INPPL1: variants seen among roughly 807,000 people sequenced by gnomAD.
INPPL1 encodes phosphatidylinositol 3,4,5-trisphosphate 5-phosphatase 2.
In INPPL1, 91 loss-of-function variants were observed where a neutral mutation model predicts 139.3. That is an observed-to-expected ratio of 0.65 (90% CI 0.55 to 0.78). The LOEUF is 0.78. Ranked by LOEUF, INPPL1 falls within the 30% of genes least tolerant of loss-of-function variation. The pLI, the probability that INPPL1 is intolerant of heterozygous loss-of-function variation, is 0.00. For synonymous variants in INPPL1, 719 were observed against 686.6 expected (o/e 1.05, Z -0.74); for missense variants, 1,411 against 1,665.6 (o/e 0.85, Z 2.66).
chr11:72,231,691 ATTGCCCCATTT>A, intron 13 of INPPL1, 76 bp downstream of exon 13: 2 of 1,062,256 alleles, frequency 1.9e-6, no homozygotes, highest in East Asian at 4.7e-5. Context: ...CAAGCCTAGG[ATTGCCCCATTT>A]TTGGTGATCT....
At position 72,230,463 on chromosome 11, in the gene INPPL1, G is replaced by T; in HGVS notation, c.1192G>T (p.Ala398Ser). 1.9e-6 allele frequency: 3 copies of T among 1,613,612 alleles called. No individual in the cohort carries two copies. The highest frequency in any genetic ancestry group is 2.5e-6 in the Non-Finnish European group (3 of 1,179,964). ...TQRKDFIFVS[A>S]RKREAFCQLL... is the part of the protein sequence containing the mutation. Reference sequence around the variant, plus strand: ...GCGCAAGGACTTCATCTTTGTCAGTGCCCGGGTGAGCAGCAGGCTGGGCCA... The same window carrying T: ...GCGCAAGGACTTCATCTTTGTCAGTTCCCGGGTGAGCAGCAGGCTGGGCCA... The change falls in exon 10 of 28, where the codon GCC (alanine) becomes TCC (serine). Residue 398 changes from alanine to serine, a missense_variant. This residue lies in a region of INPPL1 where 504 missense variants were observed against 595.6 expected (regional missense o/e 0.85). Transcript: ENST00000298229.
At position 72,224,930 on chromosome 11, in the gene INPPL1, C is replaced by CGGGGCGGATGGCGCGGGGCGGCG. The variant is rs1948624594; in HGVS notation, c.-47_-25dup. ...GCCCCAGCCTCAGCCCTGAGCGTCT[C>CGGGGCGGATGGCGCGGGGCGGCG]GGGGCGGATGGCGCGGGGCGGCGGG... On this transcript the variant is annotated 5_prime_UTR_variant, in exon 1 of 28. In the 5' UTR this introduces an upstream ATG that the reference lacks. Coordinates refer to ENST00000298229, the MANE Select transcript of INPPL1 (RefSeq NM_001567.4). 5 of 1,032,666 alleles carry CGGGGCGGATGGCGCGGGGCGGCG rather than the reference C, an allele frequency of 4.8e-6. No individual in the cohort carries two copies. In the Admixed American group the frequency reaches 2.8e-4, roughly 57 times the overall value. 64.0% of individuals were successfully genotyped at this position (1,032,666 alleles called of 1,614,324 possible).
At position 72,230,806 on chromosome 11, in the gene INPPL1, C is replaced by T. The variant is rs1948811487; in HGVS notation, c.1208C>T (p.Ala403Val). The T allele has an allele frequency of 1.9e-6, 3 of 1,613,752 alleles. No individual in the cohort carries two copies. The highest frequency in any genetic ancestry group is 1.3e-5 in the African/African-American group (1 of 74,914). Residue 403 changes from alanine to valine, a missense_variant, in exon 11 of 28, where the codon GCC (alanine) becomes GTC (valine). Ala to Val is a moderately conservative substitution (Grantham distance 64). Coordinates refer to ENST00000298229, the MANE Select transcript of INPPL1 (RefSeq NM_001567.4). ...CTGCTGTTCCCCCAGAAGCGGGAGG[C>T]CTTCTGCCAGCTGTTGCAGCTCATG... The part of the protein sequence containing the change: ...FIFVSARKRE[A>V]FCQLLQLMKN...
In INPPL1 at chr11:72,238,064, G is replaced by A. The variant is rs765003632; in HGVS notation, c.3575G>A (p.Arg1192Gln). The change falls in exon 27 of 28, where the codon CGG (arginine) becomes CAG (glutamine). Residue 1192 changes from arginine (R) to glutamine (Q), a missense_variant. By Grantham distance (43) the Arg-to-Gln change is conservative. Transcript: ENST00000298229. The part of the protein sequence containing the change: ...AEEAPCLQGG[R>Q]ASGLGEAGMS... Reference sequence around the variant, plus strand: ...TAGGCTCCGTGCCTGCAGGGCGGGCGGGCCAGCGGGCTGGGCGAGGCAGGC... The same window carrying A: ...TAGGCTCCGTGCCTGCAGGGCGGGCAGGCCAGCGGGCTGGGCGAGGCAGGC... The A allele has an allele frequency of 7.0e-6, 11 of 1,564,030 alleles. No individual in the cohort carries two copies. The highest frequency in any genetic ancestry group is 6.9e-6 in the Non-Finnish European group (8 of 1,155,716).
Position 72,235,449 on chromosome 11 carries a change from A to G in INPPL1, c.2657A>G (p.Tyr886Cys). 6.2e-7 allele frequency: 1 copy of G among 1,611,740 alleles called. No homozygotes were observed. The highest frequency in any genetic ancestry group is 8.5e-7 in the Non-Finnish European group (1 of 1,179,726). The change falls in exon 23 of 28, where the codon TAC becomes TGC. Residue 886 changes from tyrosine (Y) to cysteine (C), a missense_variant and splice_region_variant. Coordinates refer to ENST00000298229, the MANE Select transcript of INPPL1 (RefSeq NM_001567.4). The surrounding 1 kb of genome is among the most constrained non-coding windows in gnomAD (Gnocchi z 4.9). ...TERLGTRERL[Y>C]EWISIDKDEA... ...CGCCTGGGCACCCGTGAGCGGCTCT[A>G]CGGTGGGGACTCCACTGGGACATGA...
In INPPL1 at chr11:72,235,209, G is replaced by A. The variant is rs1364181745; in HGVS notation, c.2503+6G>A. Reference sequence around the variant, plus strand: ...GGATGGCTATGAATCCTATGGTGAGGGGTGAGGGGTGCTGAGGGGAACAGG... The same window carrying A: ...GGATGGCTATGAATCCTATGGTGAGAGGTGAGGGGTGCTGAGGGGAACAGG... On this transcript the variant is annotated splice_donor_region_variant and intron_variant, in intron 22 of 27. Transcript: ENST00000298229. The surrounding 1 kb of genome is among the most constrained non-coding windows in gnomAD (Gnocchi z 4.9). The A allele has an allele frequency of 3.1e-6, 5 of 1,613,982 alleles. No individual in the cohort carries two copies. Among genetic ancestry groups the A allele is most frequent in the South Asian group, 1.1e-5 (1 of 91,078 alleles).
chr11:72,238,332 C>A lies in INPPL1; in HGVS notation c.3756C>A (p.Asp1252Glu), dbSNP rs746004112. ...CGGCTCACAAGCGCCTCCTTCTGGA[C>A]ACCCTGCAGCTCAGCAAGTGATAGC... is the stretch of plus-strand genomic sequence containing the variant. The part of the protein sequence containing the change: ...QDPAHKRLLL[D>E]TLQLSK The change falls in exon 28 of 28, where the codon GAC becomes GAA. Residue 1252 changes from aspartate to glutamate, a missense_variant. This residue lies in a region of INPPL1 where 438 missense variants were observed against 425.7 expected (regional missense o/e 1.03). Transcript: ENST00000298229. 1.3e-6 allele frequency: 2 copies of A among 1,571,918 alleles called. No homozygotes were observed. Among genetic ancestry groups the A allele is most frequent in the Non-Finnish European group, 8.6e-7 (1 of 1,160,728 alleles).
At chr11:72,223,660 GCGGTACGAGCTCGGCCCCCAGAGC>G (rs1250037839), upstream of INPPL1, 1 of 152,048 alleles carries the variant, frequency 6.6e-6, no homozygotes, top group Admixed American at 6.5e-5. Context: ...GGTGCCGAGC[GCGGTACGAGCTCGGCCCCCAGAGC>G]CGGCCCTCGC....
chr11:72,228,393 C>G lies in INPPL1; in HGVS notation c.292C>G (p.Leu98Val). ...GCGCCGCTTCCAGACCCTGGGTGAG[C>G]TCATCGGCCTGTACGCCCAGCCCAA... ...PVRRFQTLGE[L>V]IGLYAQPNQG... Residue 98 changes from leucine (L) to valine (V), a missense_variant, in exon 3 of 28, where the codon CTC becomes GTC. Physicochemically the swap from Leu to Val is conservative, Grantham distance 32. This residue lies in a region of INPPL1 where 504 missense variants were observed against 595.6 expected (regional missense o/e 0.85). Transcript: ENST00000298229. The surrounding 1 kb of genome is among the most constrained non-coding windows in gnomAD (Gnocchi z 5.0). 6.2e-7 allele frequency: 1 copy of G among 1,613,290 alleles called. No homozygotes were observed. The highest frequency in any genetic ancestry group is 8.5e-7 in the Non-Finnish European group (1 of 1,179,986).
Position 72,235,462 on chromosome 11 carries a change from C to G in INPPL1, c.2659+11C>G. On this transcript the variant is annotated intron_variant, in intron 23 of 27. Transcript: ENST00000298229. This position sits in a 1 kb window ranked among gnomAD's most constrained non-coding sequence, Gnocchi z 4.9. ...GTGAGCGGCTCTACGGTGGGGACTCCACTGGGACATGAGATAGGGTGGTGT... is the reference window on the plus strand; with the variant it reads ...GTGAGCGGCTCTACGGTGGGGACTCGACTGGGACATGAGATAGGGTGGTGT... 2 of 1,609,968 alleles carry G rather than the reference C, an allele frequency of 1.2e-6. No individual in the cohort carries two copies.
In INPPL1 at chr11:72,237,516, C is replaced by T; in HGVS notation, c.3272C>T (p.Pro1091Leu). 2 of 1,608,616 alleles carry T rather than the reference C, an allele frequency of 1.2e-6. No homozygotes were observed. Among genetic ancestry groups the T allele is most frequent in the Non-Finnish European group, 1.7e-6 (2 of 1,176,680 alleles). Reference protein sequence around the residue: ...GGAEARGPPPPKAHPRPPLPP... With the variant: ...GGAEARGPPPLKAHPRPPLPP... ...GCTGAGGCCCGTGGCCCACCACCTC[C>T]CAAGGCCCATCCAAGGCCTCCACTG... The change falls in exon 26 of 28, where the codon CCC (proline) becomes CTC (leucine). Residue 1091 changes from proline (P) to leucine (L), a missense_variant. Transcript: ENST00000298229.
At position 72,235,868 on chromosome 11, in the gene INPPL1, T is replaced by C. The variant is rs70940819; in HGVS notation, c.2761T>C (p.Phe921Leu). 80 of 1,613,090 alleles carry C rather than the reference T, an allele frequency of 5.0e-5. No homozygotes were observed. The East Asian group carries it at 1.6e-3, about 32-fold the overall frequency. Reference sequence around the variant, plus strand: ...CAGGTCAGGGAGCCGCAAGCCAGCCTTCACAGAGGCCTCCTGCCCGCTCTC... The same window carrying C: ...CAGGTCAGGGAGCCGCAAGCCAGCCCTCACAGAGGCCTCCTGCCCGCTCTC... ...EPRSGSRKPA[F>L]TEASCPLSRL... Residue 921 changes from phenylalanine (F) to leucine (L), a missense_variant, in exon 25 of 28, where the codon TTC (phenylalanine) becomes CTC (leucine). By Grantham distance (22) the Phe-to-Leu change is conservative. Coordinates refer to ENST00000298229, the MANE Select transcript of INPPL1 (RefSeq NM_001567.4). The surrounding 1 kb of genome is among the most constrained non-coding windows in gnomAD (Gnocchi z 4.9).
chr11:72,238,252 T>A lies in INPPL1; in HGVS notation c.3687-11T>A. ...TGCCCATCTCACTTCCCAGCCTGTT[T>A]TACTCCACAGTGACATCACCGAGGA... is the stretch of plus-strand genomic sequence containing the variant. On this transcript the variant is annotated splice_polypyrimidine_tract_variant and intron_variant, in intron 27 of 27. Coordinates refer to ENST00000298229, the MANE Select transcript of INPPL1 (RefSeq NM_001567.4). The A allele has an allele frequency of 6.2e-7, 1 of 1,613,610 alleles. No individual in the cohort carries two copies. The highest frequency in any genetic ancestry group is 8.5e-7 in the Non-Finnish European group (1 of 1,179,690).
In INPPL1 at chr11:72,233,078, A is replaced by G. The variant is rs759203012; in HGVS notation, c.1955A>G (p.Glu652Gly). ...EKHKVFLRFS[E>G]EEISFPPTYR... ...ACCTGTCTCCTGCTTTCCTTAGGTG[A>G]GGAGGAGATCTCCTTCCCACCCACC... The change falls in exon 17 of 28, where the codon GAG becomes GGG. Residue 652 changes from glutamate (E) to glycine (G), a missense_variant. By Grantham distance (98) the Glu-to-Gly change is moderately conservative. Around this residue, in one of 5 missense-constraint regions of INPPL1, gnomAD observed 363 missense variants for 446.2 expected, o/e 0.81. Transcript: ENST00000298229. 6.2e-7 allele frequency: 1 copy of G among 1,613,868 alleles called. No individual in the cohort carries two copies. The highest frequency in any genetic ancestry group is 8.5e-7 in the Non-Finnish European group (1 of 1,179,832).
intron 15 of INPPL1, 33 bp downstream of exon 15, chr11:72,232,797 G>A (rs767735045): frequency 6.2e-7 from 1 of 1,613,922 alleles, no homozygotes; most frequent in Non-Finnish European, 8.5e-7. Flanking sequence ...GCTGTAGGGA[G>A]GCTAAGGGCC....
Position 72,228,289 on chromosome 11 carries a change from C to G in INPPL1, c.246+36C>G. ...GGGCCCCTGACCCCTGACCTTGATC[C>G]AGCCTAGGGCTTGGGGACCTGCTGG... On this transcript the variant is annotated intron_variant, in intron 2 of 27. Transcript: ENST00000298229. The surrounding 1 kb of genome is among the most constrained non-coding windows in gnomAD (Gnocchi z 5.0). The G allele has an allele frequency of 6.2e-7, 1 of 1,614,058 alleles. No homozygotes were observed. Among genetic ancestry groups the G allele is most frequent in the South Asian group, 1.1e-5 (1 of 91,080 alleles).
chr11:72,229,862 G>A, intron 7 of INPPL1, 62 bp from the exon 8 acceptor site: 6 of 1,570,654 alleles, frequency 3.8e-6, no homozygotes, highest in Non-Finnish European at 5.2e-6. Flanking sequence ...GGTCAATTGT[G>A]TCCCTCCCTG....
intron 7 of INPPL1, 77 bp downstream of exon 7, chr11:72,229,829 C>A: frequency 6.4e-7 from 1 of 1,561,366 alleles, no homozygotes; most frequent in Non-Finnish European, 8.8e-7. Context: ...AACCCTCAGT[C>A]TACAACTTAA....
chr11:72,235,734 C>G lies in INPPL1; in HGVS notation c.2719C>G (p.Arg907Gly). 6.2e-7 allele frequency: 1 copy of G among 1,614,004 alleles called. No individual in the cohort carries two copies. The highest frequency in any genetic ancestry group is 8.5e-7 in the Non-Finnish European group (1 of 1,179,952). Residue 907 changes from arginine to glycine, a missense_variant, in exon 24 of 28, where the codon CGA becomes GGA. Physicochemically the swap from Arg to Gly is moderately radical, Grantham distance 125. Transcript: ENST00000298229. This position sits in a 1 kb window ranked among gnomAD's most constrained non-coding sequence, Gnocchi z 4.9. ...AAAGAGCAAAGCCCCCTCTGTGTCCCGAGGGAGCCAGGAGCCCAGGTGAGC... is the reference window on the plus strand; with the variant it reads ...AAAGAGCAAAGCCCCCTCTGTGTCCGGAGGGAGCCAGGAGCCCAGGTGAGC... ...GAKSKAPSVS[R>G]GSQEPRSGSR...
Sources: gnomAD v4.1 joint callset for allele counts on GRCh38, gnomAD v4.1.1 for gene constraint, gnomAD v4.1.1 regional missense constraint, Gnocchi (gnomAD v3.1) non-coding constraint, MANE v1.5 for transcripts, NCBI Gene and HGNC (gene_info 2026-07-23, HGNC 2026-07-21) for gene names.